The following CABLES1 variants were observed in gnomAD, a reference collection of about 807,000 sequenced individuals.
CABLES1 encodes Cdk5 and Abl enzyme substrate 1.
Under a neutral mutation model 57.8 loss-of-function variants are expected in CABLES1, and 36 were observed. The ratio of observed to expected loss-of-function variants is 0.62; its 90% CI spans 0.48 to 0.82. The LOEUF is 0.82. CABLES1 is among the 40% of genes least tolerant of loss of function. CABLES1 has a pLI of 0.00. For synonymous variants in CABLES1, 374 were observed against 363.0 expected, an observed-to-expected ratio of 1.03 and a Z score of -0.35; for missense variants, 767 against 836.6, an observed-to-expected ratio of 0.92 and a Z score of 1.03.
intron 3 of CABLES1, among the ~76,000 whole-genome samples, chr18:23,195,267 C>T (rs755457583): frequency 1.1e-4 from 17 of 152,114 alleles, no homozygotes; most frequent in Non-Finnish European, 2.1e-4. Flanking sequence ...CTCTGGGGTC[C>T]CTGGTGCTGT....
chr18:23,218,353 C>T (rs1401188763), intron 4 of CABLES1, among the ~76,000 whole-genome samples: 6 of 85,702 alleles, frequency 7.0e-5, no homozygotes, highest in Non-Finnish European at 1.4e-4. Context: ...CCCTGCCTCC[C>T]GCATCCTCAC....
intron 4 of CABLES1, among the ~76,000 whole-genome samples, chr18:23,220,141 G>A (rs1280336387): frequency 6.6e-6 from 1 of 152,188 alleles, no homozygotes; most frequent in Non-Finnish European, 1.5e-5. Context: ...GTATCTAACA[G>A]CCACCGCAGT....
chr18:23,146,248 G>A (rs1460798680), intron 1 of CABLES1, among the ~76,000 whole-genome samples: 2 of 152,190 alleles, frequency 1.3e-5, no homozygotes, highest in Non-Finnish European at 2.9e-5. Context: ...TTTTGCTTAA[G>A]GACAAAAACT....
chr18:23,237,319 G>T (rs2047628056), intron 7 of CABLES1, 74 bp downstream of exon 7: 6 of 1,003,726 alleles, frequency 6.0e-6, no homozygotes, highest in South Asian at 2.5e-5. Context: ...CCGGCTGGGG[G>T]CTTGTTCAAA....
intron 1 of CABLES1, among the ~76,000 whole-genome samples, chr18:23,141,940 C>T (rs971774428): frequency 2.6e-5 from 4 of 152,144 alleles, no homozygotes; most frequent in Non-Finnish European, 4.4e-5. Context: ...GGAGGCAGTG[C>T]AGTTGAGCCT....
intron 2 of CABLES1, among the ~76,000 whole-genome samples, chr18:23,189,557 G>T (rs985167729): frequency 6.6e-6 from 1 of 152,210 alleles, no homozygotes; most frequent in African/African-American, 2.4e-5. Flanking sequence ...CCTCACTGCA[G>T]CCCTGAGCTG....
intron 3 of CABLES1, among the ~76,000 whole-genome samples, chr18:23,199,207 A>G (rs1453685283): frequency 6.6e-6 from 1 of 152,234 alleles, no homozygotes; most frequent in Non-Finnish European, 1.5e-5. Context: ...TAAAAAGAAA[A>G]TAAAGTTGGA....
At chr18:23,239,149 C>T (rs933168374) in intron 7 of CABLES1, among the ~76,000 whole-genome samples, 10 of 152,190 alleles carry the variant, frequency 6.6e-5, no homozygotes, top group South Asian at 2.1e-4. Context: ...TGTGTATGTG[C>T]GTGTGCACGT....
chr18:23,185,158 C>T (rs1168319770), intron 1 of CABLES1, among the ~76,000 whole-genome samples: 3 of 152,298 alleles, frequency 2.0e-5, no homozygotes, highest in East Asian at 1.9e-4. Context: ...GAGCCTTTCT[C>T]GTTTCTGGTG....
intron 2 of CABLES1, chr18:23,190,257 T>G (rs1008058161): frequency 6.6e-6 from 1 of 152,012 alleles, no homozygotes; most frequent in African/African-American, 2.4e-5. Flanking sequence ...GGTGTTAGAG[T>G]GAGTGACATC....
chr18:23,253,479 T>G (rs2048089206), intron 8 of CABLES1, among the ~76,000 whole-genome samples: 1 of 152,092 alleles, frequency 6.6e-6, no homozygotes, highest in African/African-American at 2.4e-5. Context: ...TGAGACTCCA[T>G]CTCAAAAGAA....
chr18:23,135,777 GGCGGCCGCCACC>G lies in CABLES1; in HGVS notation c.16_27del (p.Ala6_Thr9del). On this transcript the variant is annotated inframe_deletion, in exon 1 of 10. Transcript: ENST00000256925. ...AGACGGACACAATGGCGGCGGCGGC[GGCGGCCGCCACC>G]ACGGCCGCCTGCAGCAGCGGCAGCG... 1 of 984,068 alleles carries G rather than the reference GGCGGCCGCCACC, an allele frequency of 1.0e-6. No individual in the cohort carries two copies. Among genetic ancestry groups the G allele is most frequent in the Middle Eastern group, 5.2e-4 (1 of 1,932 alleles). 61.0% of individuals were successfully genotyped at this position (984,068 alleles called of 1,614,324 possible).
intron 1 of CABLES1, among the ~76,000 whole-genome samples, chr18:23,174,053 A>G (rs902386387): frequency 1.3e-5 from 2 of 152,228 alleles, no homozygotes; most frequent in Non-Finnish European, 2.9e-5. Flanking sequence ...TAATTTTAGA[A>G]CATTTTCCTC....
chr18:23,207,469 T>TG (rs2047372443), intron 3 of CABLES1, among the ~76,000 whole-genome samples: 1 of 152,192 alleles, frequency 6.6e-6, no homozygotes. Flanking sequence ...AGTTATCACT[T>TG]GCTCCAGGAA....
chr18:23,155,925 A>C (rs996392409), intron 1 of CABLES1: 1 of 1,614,094 alleles, frequency 6.2e-7, no homozygotes, highest in African/African-American at 1.3e-5. Flanking sequence ...AGGGGCTGCC[A>C]TGCAAGAATA....
chr18:23,177,418 TACACACACACACACACACACAC>T lies in CABLES1; in HGVS notation c.846-11405_846-11384del, dbSNP rs10692529. 3.0e-4 allele frequency among the ~76,000 whole-genome samples: 44 copies of T among 144,636 alleles called. 1 individual carries two copies. The highest frequency in any genetic ancestry group is 3.0e-5 in the Non-Finnish European group (2 of 65,804). 94.9% of individuals were successfully genotyped at this position (144,636 alleles called of 152,430 possible). ...AAGGTGCTATGTGTGAGCACATGTG[TACACACACACACACACACACAC>T]ACACACACACACACGTTCATTGTGC... On this transcript the variant is annotated intron_variant, in intron 1 of 9. Transcript: ENST00000256925.
chr18:23,136,103 C>A lies in CABLES1; in HGVS notation c.341C>A (p.Ala114Asp), dbSNP rs28477404. Residue 114 changes from alanine (A) to aspartate (D), a missense_variant, in exon 1 of 10, where the codon GCC becomes GAC. Ala to Asp is a moderately radical substitution (Grantham distance 126). Transcript: ENST00000256925. ...ARTRFSLLAA[A>D]ERGGCIALAA... is the part of the protein sequence containing the mutation. The stretch of plus-strand genomic sequence containing the variant: ...ACTCGGTTCAGCTTGCTCGCCGCTG[C>A]CGAGCGGGGCGGCTGCATCGCGCTC... 1,169 of 1,185,776 alleles carry A rather than the reference C, an allele frequency of 9.9e-4. 8 individuals carry two copies. In the African/African-American group the frequency reaches 0.017, roughly 18 times the overall value. 73.5% of individuals were successfully genotyped at this position (1,185,776 alleles called of 1,614,324 possible).
At chr18:23,196,066 A>G (rs1255194546) in intron 3 of CABLES1, among the ~76,000 whole-genome samples, 1 of 152,208 alleles carries the variant, frequency 6.6e-6, no homozygotes, top group Non-Finnish European at 1.5e-5. Flanking sequence ...CAGCATGGTT[A>G]GGTAGTGAGA....
rs74661702 is a variant in CABLES1 at position 23,162,550 on chromosome 18, T to C, written c.845+25943T>C. On this transcript the variant is annotated intron_variant, in intron 1 of 9. Coordinates refer to ENST00000256925, the MANE Select transcript of CABLES1 (RefSeq NM_001100619.3). ...CCTTGGTTTTCACCTTAAGGGAACT[T>C]ACAGTCCTTGTAGGTGACAAACAAA... Among the ~76,000 whole-genome samples, 23 of 152,342 alleles carry C rather than the reference T, an allele frequency of 1.5e-4. No homozygotes were observed. The East Asian group carries it at 4.4e-3, about 29-fold the overall frequency.
Sources: allele counts gnomAD v4.1 joint callset (sites outside exome capture counted in the v4.1 genomes callset), GRCh38; gene constraint gnomAD v4.1.1; transcripts MANE v1.5; gene names NCBI Gene and HGNC (gene_info 2026-07-23, HGNC 2026-07-21).